The following CREM variants were observed in gnomAD, a reference collection of about 807,000 sequenced individuals.
CREM encodes the protein cAMP-responsive element modulator.
CREM carries 13 observed loss-of-function variants against 37.3 expected under a neutral mutation model. The observed-to-expected ratio is 0.35, with a 90% CI of 0.23 to 0.55. The LOEUF (loss-of-function observed/expected upper bound fraction) is 0.55, where lower values mean the gene tolerates loss of function less well. Among genes scored for constraint, CREM ranks in the 20% least tolerant of loss-of-function variants. The probability of loss-of-function intolerance (pLI) is 0.88; values close to 1 mark genes in which losing one functional copy is unlikely to be tolerated. For synonymous variants in CREM, 124 were observed against 120.2 expected (o/e 1.03, Z -0.21); for missense variants, 296 against 362.3 (o/e 0.82, Z 1.49).
chr10:35,198,110 G>A (rs2095267945), intron 6 of CREM, among the ~76,000 whole-genome samples: 3 of 151,930 alleles, frequency 2.0e-5, no homozygotes, highest in South Asian at 4.2e-4. Context: ...CCCATTAATG[G>A]TCTACAGCTT....
At chr10:35,193,406 T>C (rs2095001996) in intron 6 of CREM, among the ~76,000 whole-genome samples, 1 of 152,202 alleles carries the variant, frequency 6.6e-6, no homozygotes, top group South Asian at 2.1e-4. Flanking sequence ...ATTGAGCATC[T>C]ATGTGCCAAT....
intron 5 of CREM, among the ~76,000 whole-genome samples, chr10:35,182,382 A>T (rs1476673455): frequency 4.6e-5 from 7 of 151,364 alleles, no homozygotes; most frequent in Non-Finnish European, 8.8e-5. Flanking sequence ...TGAGCTGTAA[A>T]TTTTTTTTAA....
chr10:35,205,476 T>TCC (rs1356211995), intron 6 of CREM, among the ~76,000 whole-genome samples: 1 of 152,192 alleles, frequency 6.6e-6, no homozygotes, highest in African/African-American at 2.4e-5. Context: ...CTCAATTCCT[T>TCC]CCAGTGCTTC....
At chr10:35,136,328 G>C (rs746753644) in intron 1 of CREM, among the ~76,000 whole-genome samples, 5 of 152,148 alleles carry the variant, frequency 3.3e-5, no homozygotes, top group Non-Finnish European at 7.3e-5. Context: ...TAGATTGCAG[G>C]CTCCTGGAGA....
At chr10:35,190,834 T>C (rs2094881061) in intron 6 of CREM, among the ~76,000 whole-genome samples, 1 of 152,002 alleles carries the variant, frequency 6.6e-6, no homozygotes, top group Non-Finnish European at 1.5e-5. Flanking sequence ...ACTAATTTTT[T>C]TGTATTTTTA....
intron 5 of CREM, among the ~76,000 whole-genome samples, chr10:35,186,096 A>G (rs2094544769): frequency 6.6e-6 from 1 of 152,228 alleles, no homozygotes; most frequent in Non-Finnish European, 1.5e-5. Flanking sequence ...ATTGATGTAT[A>G]GATGTCATGT....
Position 35,185,234 on chromosome 10 carries a change from C to T in CREM, c.410-2966C>T, listed in dbSNP as rs576491459. Reference sequence around the variant, plus strand: ...TCTCCTCCCTCAGCCTCCCGAGGAGCTGGGATTGCAGGCATGCACCACCAC... The same window carrying T: ...TCTCCTCCCTCAGCCTCCCGAGGAGTTGGGATTGCAGGCATGCACCACCAC... On this transcript the variant is annotated intron_variant, in intron 5 of 7. Coordinates refer to ENST00000685392, the MANE Select transcript of CREM (RefSeq NM_183011.2). Among the ~76,000 whole-genome samples, 13 of 152,022 alleles carry T rather than the reference C, an allele frequency of 8.6e-5. No homozygotes were observed. The South Asian group carries it at 2.7e-3, about 32-fold the overall frequency.
Position 35,156,727 on chromosome 10 carries a change from G to C in CREM, c.168+8236G>C, listed in dbSNP as rs73260866. Among the ~76,000 whole-genome samples the C allele has an allele frequency of 3.8e-3, 576 of 152,304 alleles. 6 individuals carry two copies. Among genetic ancestry groups the C allele is most frequent in the African/African-American group, 0.013 (535 of 41,566 alleles). On this transcript the variant is annotated intron_variant, in intron 3 of 7. Transcript: ENST00000685392. The stretch of plus-strand genomic sequence containing the variant: ...TGTGGATTTTTGTAGCCCTATCAGA[G>C]ATAAAACTGTAGTGGTTTTCTTAAA...
At chr10:35,176,262 TTTG>T (rs1330285969) in intron 3 of CREM, among the ~76,000 whole-genome samples, 1 of 151,986 alleles carries the variant, frequency 6.6e-6, no homozygotes, top group Non-Finnish European at 1.5e-5. Context: ...TCTTCTTCAC[TTTG>T]TTGTTCTGTG....
intron 3 of CREM, among the ~76,000 whole-genome samples, chr10:35,149,938 A>ACACACACACACACACACACACACC (rs796295851): frequency 1.4e-5 from 2 of 145,436 alleles, no homozygotes; most frequent in Admixed American, 1.4e-4. Context: ...ACACACACAC[A>ACACACACACACACACACACACACC]CCCTTGTTAA....
At chr10:35,186,707 A>T (rs1437154580) in intron 5 of CREM, among the ~76,000 whole-genome samples, 2 of 138,156 alleles carry the variant, frequency 1.4e-5, no homozygotes, top group East Asian at 4.2e-4. Context: ...TTGGTCATAT[A>T]TACAACATAT....
chr10:35,159,221 CTTA>C (rs1223229567), intron 3 of CREM, among the ~76,000 whole-genome samples: 3 of 151,632 alleles, frequency 2.0e-5, no homozygotes, highest in Non-Finnish European at 4.4e-5. Context: ...CTTGTTACAT[CTTA>C]TTACTTGGTG....
chr10:35,178,772 A>T (rs2094214076), intron 3 of CREM, 117 bp from the exon 4 acceptor site: 2 of 685,816 alleles, frequency 2.9e-6, no homozygotes, highest in South Asian at 4.2e-5. Flanking sequence ...TCTATTGCTC[A>T]GTTGCTTCCA....
chr10:35,179,064 C>T (rs897614789), intron 4 of CREM, 70 bp from the exon 5 acceptor site: 32 of 1,534,452 alleles, frequency 2.1e-5, no homozygotes, highest in Non-Finnish European at 1.1e-5. Flanking sequence ...TCAATTCTTC[C>T]TTTATAGCTT....
chr10:35,197,595 GGTGCCCA>G (rs2095244697), intron 6 of CREM, among the ~76,000 whole-genome samples: 1 of 152,048 alleles, frequency 6.6e-6, no homozygotes, highest in African/African-American at 2.4e-5. Context: ...TGGGACTACA[GGTGCCCA>G]CCACCACGCC....
rs540085875 is a variant in CREM at position 35,194,467 on chromosome 10, T to C, written c.598+6079T>C. 2.0e-5 allele frequency among the ~76,000 whole-genome samples: 3 copies of C among 152,334 alleles called. No individual in the cohort carries two copies. The South Asian group carries it at 6.2e-4, about 32-fold the overall frequency. The stretch of plus-strand genomic sequence containing the variant: ...ATTTTTGTAGGCCAGAAAGTTCAAA[T>C]ATCAGCAAGTTCATGTGATTCAATC... On this transcript the variant is annotated intron_variant, in intron 6 of 7. Transcript: ENST00000685392.
chr10:35,152,370 G>C (rs1564824789), intron 3 of CREM: 1 of 152,328 alleles, frequency 6.6e-6, no homozygotes, highest in African/African-American at 2.4e-5. Flanking sequence ...CTGTTCTGCT[G>C]ATGGATTGAG....
rs1336010746 is a variant in CREM, at chr10:35,212,530, G to A, written c.*1132G>A. The A allele has an allele frequency of 6.5e-6, 1 of 152,760 alleles. No homozygotes were observed. The highest frequency in any genetic ancestry group is 1.5e-5 in the Non-Finnish European group (1 of 68,048). The allele number at this position is 152,760 out of a possible 1,614,324, so 9.5% of individuals were successfully genotyped here. A position where few individuals can be genotyped will look rare whatever the true frequency, so the allele number is the denominator to read the frequency against. ...GACATATTTTTTATATCTGGAATGA[G>A]CCTGTTGGGATCGCATTGCATACCT... On this transcript the variant is annotated 3_prime_UTR_variant, in exon 8 of 8. Coordinates refer to ENST00000685392, the MANE Select transcript of CREM (RefSeq NM_183011.2).
chr10:35,150,146 G>A (rs1335996782), intron 3 of CREM, among the ~76,000 whole-genome samples: 1 of 151,920 alleles, frequency 6.6e-6, no homozygotes, highest in East Asian at 1.9e-4. Flanking sequence ...TAGAGCTATG[G>A]TTTCTGGTCA....
Sources: allele counts gnomAD v4.1 joint callset (sites outside exome capture counted in the v4.1 genomes callset), GRCh38; gene constraint gnomAD v4.1.1; transcripts MANE v1.5; gene names NCBI Gene and HGNC (gene_info 2026-07-23, HGNC 2026-07-21).